Variants in MAGI2 observed in about 807,000 individuals in gnomAD.
MAGI2 encodes membrane-associated guanylate kinase, WW and PDZ domain-containing protein 2.
MAGI2 carries 35 observed loss-of-function variants against 133.3 expected under a neutral mutation model. The ratio of observed to expected loss-of-function variants is 0.26; its 90% CI spans 0.20 to 0.35. The LOEUF (loss-of-function observed/expected upper bound fraction) is 0.35. MAGI2 is among the 10% of genes least tolerant of loss of function. The probability of loss-of-function intolerance (pLI) is 1.00; values close to 1 mark genes in which losing one functional copy is unlikely to be tolerated. For missense variants in MAGI2, 1,636 were observed against 1,863.4 expected (o/e 0.88, Z 2.25); for synonymous variants, 729 against 710.6 (o/e 1.03, Z -0.41).
chr7:78,820,630 A>C (rs1790016264), intron 2 of MAGI2, among the ~76,000 whole-genome samples: 1 of 152,000 alleles, frequency 6.6e-6, no homozygotes, highest in Non-Finnish European at 1.5e-5. Context: ...GACTCAAATG[A>C]ATAAAACAAA....
At chr7:78,403,881 G>A (rs1363021153) in intron 6 of MAGI2, among the ~76,000 whole-genome samples, 1 of 152,128 alleles carries the variant, frequency 6.6e-6, no homozygotes, top group African/African-American at 2.4e-5. Flanking sequence ...AATTGTCCCT[G>A]TTTGCAGATG....
intron 2 of MAGI2, among the ~76,000 whole-genome samples, chr7:78,924,336 A>G (rs1206580829): frequency 6.6e-6 from 1 of 152,140 alleles, no homozygotes; most frequent in African/African-American, 2.4e-5. Flanking sequence ...TGGGTTTCTC[A>G]TAGATAGCTC....
intron 1 of MAGI2, among the ~76,000 whole-genome samples, chr7:79,155,691 G>T (rs906350051): frequency 1.3e-5 from 2 of 152,112 alleles, no homozygotes; most frequent in Admixed American, 1.3e-4. Flanking sequence ...AGGTCATCTT[G>T]CAGGGAATAC....
rs532496379 is a variant in MAGI2 at position 78,808,478 on chromosome 7, G to A, written c.419-181239C>T. Among the ~76,000 whole-genome samples the A allele has an allele frequency of 3.3e-5, 5 of 152,232 alleles. No individual in the cohort carries two copies. In the South Asian group the frequency reaches 6.2e-4, roughly 19 times the overall value. On this transcript the variant is annotated intron_variant, in intron 2 of 21. Transcript: ENST00000354212. ...TTACCATGTTAGCCAGGATGGTCTC[G>A]ATCTCTTGACCTCGTGATCCGCCCG...
chr7:78,178,014 C>A lies in MAGI2; in HGVS notation c.2400G>T (p.Gln800His). Residue 800 changes from glutamine (Q) to histidine (H), a missense_variant, in exon 14 of 22, where the codon CAG becomes CAT. Physicochemically the swap from Gln to His is conservative, Grantham distance 24. Transcript: ENST00000354212. The stretch of plus-strand genomic sequence containing the variant: ...AAATAAAGAAGATTCAACTTACAGG[C>A]TGTCCAGGCTCATCTCCCCCGAGGA... Reference protein sequence around the residue: ...FRILGGDEPGQPILIGAVIAM... With the variant: ...FRILGGDEPGHPILIGAVIAM... 1 of 1,609,100 alleles carries A rather than the reference C, an allele frequency of 6.2e-7. No individual in the cohort carries two copies. The highest frequency in any genetic ancestry group is 1.1e-5 in the South Asian group (1 of 90,964).
intron 1 of MAGI2, among the ~76,000 whole-genome samples, chr7:79,095,125 C>G (rs1817408651): frequency 6.6e-6 from 1 of 152,136 alleles, no homozygotes; most frequent in Non-Finnish European, 1.5e-5. Flanking sequence ...GGTAGCTACC[C>G]TCATCAATTA....
intron 1 of MAGI2, among the ~76,000 whole-genome samples, chr7:79,290,418 TATAAAG>T (rs1836376037): frequency 1.3e-5 from 2 of 151,954 alleles, no homozygotes; most frequent in African/African-American, 4.8e-5. Context: ...ATGGTCAGAT[TATAAAG>T]ATGAGTCTGA....
chr7:79,410,844 T>G (rs1846095270), intron 1 of MAGI2: 2 of 152,194 alleles, frequency 1.3e-5, no homozygotes, highest in Admixed American at 1.3e-4. Flanking sequence ...GGTATTTACA[T>G]AAACTATATT....
chr7:78,619,367 T>C (rs567908925), intron 3 of MAGI2, among the ~76,000 whole-genome samples: 2 of 151,970 alleles, frequency 1.3e-5, no homozygotes, highest in Admixed American at 1.3e-4. Flanking sequence ...CCTATGCCCA[T>C]GCATACTGAC....
chr7:78,850,529 G>A (rs748474385), intron 2 of MAGI2, among the ~76,000 whole-genome samples: 6 of 152,082 alleles, frequency 3.9e-5, no homozygotes, highest in African/African-American at 7.2e-5. Context: ...TGGCTATTTC[G>A]TATCCTTTTA....
rs192966154 is a variant in MAGI2, at chr7:78,225,670, T to C, written c.2048-24477A>G. ...AAAAGCAAAATAGCCTGAATATTTG[T>C]TGGGGTGAGAGTGCTTCAAAACCAA... On this transcript the variant is annotated intron_variant, in intron 10 of 21. Coordinates refer to ENST00000354212, the MANE Select transcript of MAGI2 (RefSeq NM_012301.4). 1.8e-3 allele frequency among the ~76,000 whole-genome samples: 276 copies of C among 152,320 alleles called. 5 individuals are homozygous for C. Among genetic ancestry groups the C allele is most frequent in the African/African-American group, 6.5e-3 (270 of 41,578 alleles).
At chr7:79,375,452 A>G (rs558287689) in intron 1 of MAGI2, among the ~76,000 whole-genome samples, 9 of 152,042 alleles carry the variant, frequency 5.9e-5, no homozygotes, top group Non-Finnish European at 1.3e-4. Flanking sequence ...CTAAAGTAAG[A>G]CCAATAGAAA....
chr7:79,442,352 G>GT (rs1848547342), intron 1 of MAGI2, among the ~76,000 whole-genome samples: 1 of 152,096 alleles, frequency 6.6e-6, no homozygotes, highest in Non-Finnish European at 1.5e-5. Flanking sequence ...ATAGTTTAAT[G>GT]TAACTGTTTT....
chr7:79,153,417 T>C (rs563982280), intron 1 of MAGI2, among the ~76,000 whole-genome samples: 1 of 152,160 alleles, frequency 6.6e-6, no homozygotes, highest in Non-Finnish European at 1.5e-5. Flanking sequence ...AATAGATAAC[T>C]ACAAATTGTG....
At chr7:78,465,787 C>T (rs1185093065) in intron 6 of MAGI2, among the ~76,000 whole-genome samples, 2 of 152,160 alleles carry the variant, frequency 1.3e-5, no homozygotes, top group African/African-American at 4.8e-5. Context: ...CCATCATCAT[C>T]CAGTCAAATC....
intron 1 of MAGI2, among the ~76,000 whole-genome samples, chr7:79,147,492 C>T (rs1380144177): frequency 2.0e-5 from 3 of 152,138 alleles, no homozygotes; most frequent in Admixed American, 6.6e-5. Context: ...ACCAATGCTG[C>T]CTCTCTTCAA....
chr7:78,878,260 T>G (rs1389023067), intron 2 of MAGI2, among the ~76,000 whole-genome samples: 1 of 152,190 alleles, frequency 6.6e-6, no homozygotes, highest in Non-Finnish European at 1.5e-5. Context: ...AAAAAACCTG[T>G]GCTTGGTTTC....
intron 5 of MAGI2, among the ~76,000 whole-genome samples, chr7:78,495,598 A>G (rs922141480): frequency 2.0e-5 from 3 of 152,228 alleles, no homozygotes; most frequent in South Asian, 2.1e-4. Flanking sequence ...CCATTCACCC[A>G]AAGTTTCACT....
At chr7:78,636,996 T>A (rs1809732851) in intron 2 of MAGI2, among the ~76,000 whole-genome samples, 1 of 152,160 alleles carries the variant, frequency 6.6e-6, no homozygotes, top group African/African-American at 2.4e-5. Context: ...ACACTGCGGG[T>A]CCAGAAACCA....
Sources: allele counts gnomAD v4.1 joint callset (sites outside exome capture counted in the v4.1 genomes callset), GRCh38; gene constraint gnomAD v4.1.1; transcripts MANE v1.5; gene names NCBI Gene and HGNC (gene_info 2026-07-23, HGNC 2026-07-21).